The following ARMC8 variants were observed in gnomAD, a reference collection of about 807,000 sequenced individuals.
ARMC8 encodes the protein armadillo repeat-containing protein 8.
Under a neutral mutation model 99.3 loss-of-function variants are expected in ARMC8, and 20 were observed. The ratio of observed to expected loss-of-function variants is 0.20; its 90% CI spans 0.14 to 0.29. The LOEUF is 0.29. Among genes scored for constraint, ARMC8 ranks in the 10% least tolerant of loss-of-function variants. The probability of loss-of-function intolerance (pLI) is 1.00; values close to 1 mark genes in which losing one functional copy is unlikely to be tolerated. For synonymous variants in ARMC8, 263 were observed against 278.3 expected (o/e 0.95, Z 0.55); for missense variants, 569 against 809.5 (o/e 0.70, Z 3.60).
chr3:138,247,249 T>C (rs2046923938), intron 12 of ARMC8, among the ~76,000 whole-genome samples: 1 of 152,256 alleles, frequency 6.6e-6, no homozygotes. Context: ...TTATGTCTTA[T>C]GAACTTGACT....
At chr3:138,188,059 T>G in intron 1 of ARMC8, 1 of 220,292 alleles carries the variant, frequency 4.5e-6, no homozygotes, top group Non-Finnish European at 9.1e-6. Flanking sequence ...TGGCCCCCAT[T>G]TCCTCAGAGC....
intron 17 of ARMC8, among the ~76,000 whole-genome samples, chr3:138,273,397 T>A (rs976578654): frequency 2.6e-5 from 4 of 152,220 alleles, no homozygotes; most frequent in Admixed American, 6.5e-5. Context: ...TACCTTGATT[T>A]GTTACTTTTT....
At chr3:138,191,798 T>C (rs2043399955) in intron 1 of ARMC8, among the ~76,000 whole-genome samples, 1 of 152,250 alleles carries the variant, frequency 6.6e-6, no homozygotes, top group African/African-American at 2.4e-5. Flanking sequence ...CTCAGTATAA[T>C]GCTTTTGAGA....
rs2050844850 is a variant in ARMC8, at chr3:138,290,619, A to G, written c.1968A>G (p.Pro656=). ...VDILHKLSQS[P]DSNLCDKAKM... ...TTCTACACAAACTGAGTCAGTCACC[A>G]GATTCAAACCTTTGTGACAAGTGAG... The change falls in exon 21 of 22, where the codon CCA becomes CCG. Residue 656 remains proline, a synonymous_variant. Coordinates refer to ENST00000469044, the MANE Select transcript of ARMC8 (RefSeq NM_001363941.2). 8 of 1,603,946 alleles carry G rather than the reference A, an allele frequency of 5.0e-6. No homozygotes were observed. The highest frequency in any genetic ancestry group is 6.8e-6 in the Non-Finnish European group (8 of 1,175,240).
chr3:138,239,517 A>G lies in ARMC8; in HGVS notation c.826A>G (p.Ile276Val), dbSNP rs2046499873. The G allele has an allele frequency of 3.8e-6, 6 of 1,595,508 alleles. No individual in the cohort carries two copies. Among genetic ancestry groups the G allele is most frequent in the Non-Finnish European group, 5.1e-6 (6 of 1,169,646 alleles). ...AGAIRTDDNC[I>V]VLKTLPCLVR... ...AGCAATTCGGACAGATGATAACTGT[A>G]TTGTATTAAAGGTAAGCTAATTAAT... Residue 276 changes from isoleucine (I) to valine (V), a missense_variant, in exon 10 of 22, where the codon ATT becomes GTT. Coordinates refer to ENST00000469044, the MANE Select transcript of ARMC8 (RefSeq NM_001363941.2).
Position 138,221,974 on chromosome 3 carries a change from C to G in ARMC8, c.171C>G (p.Leu57=). 1 of 1,613,630 alleles carries G rather than the reference C, an allele frequency of 6.2e-7. No homozygotes were observed. The highest frequency in any genetic ancestry group is 8.5e-7 in the Non-Finnish European group (1 of 1,179,700). ...VIGNNKQKAN[L]IVLGAVPRLL... ...GAAACAACAAGCAGAAAGCCAATCT[C>G]ATTGTTTTAGGAGCTGTTCCAAGGT... The change falls in exon 3 of 22, where the codon CTC becomes CTG. Residue 57 remains leucine, a synonymous_variant. Coordinates refer to ENST00000469044, the MANE Select transcript of ARMC8 (RefSeq NM_001363941.2).
chr3:138,246,865 G>T (rs2046905747), intron 12 of ARMC8: 1 of 925,046 alleles, frequency 1.1e-6, no homozygotes, highest in Non-Finnish European at 1.3e-6. Flanking sequence ...GACAAATAAA[G>T]AAAAAGTTAT....
Position 138,249,616 on chromosome 3 carries a change from G to A in ARMC8, c.1134+4433G>A, listed in dbSNP as rs568953267. On this transcript the variant is annotated intron_variant, in intron 12 of 21. Transcript: ENST00000469044. ...TAACCTTTCAGGAATCAACCTATTT[G>A]CAAGGTTATATATACTGATATAAAG... Among the ~76,000 whole-genome samples, 3 of 152,002 alleles carry A rather than the reference G, an allele frequency of 2.0e-5. No individual in the cohort carries two copies. The South Asian group carries it at 6.2e-4, about 32-fold the overall frequency.
intron 6 of ARMC8, 117 bp downstream of exon 6, chr3:138,229,127 T>A (rs2045847764): frequency 5.3e-6 from 1 of 189,106 alleles, no homozygotes; most frequent in African/African-American, 2.8e-5. Flanking sequence ...GACCTGTGTG[T>A]GTGCGTGTAT....
intron 19 of ARMC8, chr3:138,287,954 C>A: frequency 1.0e-5 from 2 of 194,742 alleles, no homozygotes; most frequent in Non-Finnish European, 2.2e-5. Context: ...TCCAAAGCAA[C>A]CAGAAATGGT....
At chr3:138,236,519 G>C (rs1576716907) in intron 7 of ARMC8, among the ~76,000 whole-genome samples, 1 of 152,254 alleles carries the variant, frequency 6.6e-6, no homozygotes, top group South Asian at 2.1e-4. Context: ...TTCTGCCAGG[G>C]TTTGCTGTAT....
At position 138,224,435 on chromosome 3, in the gene ARMC8, C is replaced by T. The variant is rs190298944; in HGVS notation, c.435+702C>T. ...TCAGCCTAGGTGACAGAATGAGATC[C>T]TCTCACTAAAAATAAAAAATGATAA... On this transcript the variant is annotated intron_variant, in intron 5 of 21. Coordinates refer to ENST00000469044, the MANE Select transcript of ARMC8 (RefSeq NM_001363941.2). 3.5e-3 allele frequency among the ~76,000 whole-genome samples: 526 copies of T among 152,184 alleles called. 3 individuals are homozygous for T. Among genetic ancestry groups the T allele is most frequent in the Middle Eastern group, 0.01 (3 of 294 alleles).
intron 1 of ARMC8, among the ~76,000 whole-genome samples, chr3:138,190,477 C>CA (rs1304734698): frequency 6.6e-6 from 1 of 151,854 alleles, no homozygotes; most frequent in Non-Finnish European, 1.5e-5. Context: ...TTAGTAGAGA[C>CA]AGAGTCTCAC....
At position 138,221,919 on chromosome 3, in the gene ARMC8, A is replaced by G. The variant is rs1393699354; in HGVS notation, c.123-7A>G. On this transcript the variant is annotated splice_polypyrimidine_tract_variant and splice_region_variant and intron_variant, in intron 2 of 21. Coordinates refer to ENST00000469044, the MANE Select transcript of ARMC8 (RefSeq NM_001363941.2). The stretch of plus-strand genomic sequence containing the variant: ...ACATACTTTATTTTTTCTTCCCCTT[A>G]ATTCAGAGACATGAAAAATGCTGTA... 6.2e-7 allele frequency: 1 copy of G among 1,608,958 alleles called. No individual in the cohort carries two copies.
At chr3:138,295,773 TC>T in intron 21 of ARMC8, 85 bp from the exon 22 acceptor site, 1 of 1,488,020 alleles carries the variant, frequency 6.7e-7, no homozygotes, top group Non-Finnish European at 9.3e-7. Flanking sequence ...TTTTTAGACT[TC>T]CCCAGCTATC....
chr3:138,262,618 G>A, intron 12 of ARMC8: 13 of 1,540,038 alleles, frequency 8.4e-6, no homozygotes, highest in African/African-American at 1.4e-5. Flanking sequence ...AAAAAATTTA[G>A]GTGCCTAGCC....
chr3:138,275,649 G>C (rs182555616), intron 18 of ARMC8, among the ~76,000 whole-genome samples: 2 of 152,270 alleles, frequency 1.3e-5, no homozygotes, highest in Non-Finnish European at 2.9e-5. Flanking sequence ...GTTGGACCCA[G>C]AGAGTCTAAC....
At position 138,256,480 on chromosome 3, in the gene ARMC8, G is replaced by A. The variant is rs143214947; in HGVS notation, c.1135-7259G>A. ...GGCCGGAGTGCAGTGGTGCTATCTC[G>A]GCTCACTGCAAGCTCCGCCTCCTGG... On this transcript the variant is annotated intron_variant, in intron 12 of 21. Coordinates refer to ENST00000469044, the MANE Select transcript of ARMC8 (RefSeq NM_001363941.2). Among the ~76,000 whole-genome samples the A allele has an allele frequency of 6.6e-3, 894 of 135,584 alleles. 5 individuals carry two copies. Among genetic ancestry groups the A allele is most frequent in the Non-Finnish European group, 0.01 (680 of 66,054 alleles). 88.9% of individuals were successfully genotyped at this position (135,584 alleles called of 152,430 possible).
chr3:138,212,152 G>C (rs1420512445), intron 2 of ARMC8, among the ~76,000 whole-genome samples: 1 of 152,052 alleles, frequency 6.6e-6, no homozygotes, highest in Non-Finnish European at 1.5e-5. Context: ...TATGGAGATA[G>C]TGTAGTGTGA....
Sources: gnomAD v4.1 joint callset for allele counts (sites outside exome capture counted in the v4.1 genomes callset) on GRCh38, gnomAD v4.1.1 for gene constraint, MANE v1.5 for transcripts, NCBI Gene and HGNC (gene_info 2026-07-23, HGNC 2026-07-21) for gene names.